The following ADAMTSL3 variants were observed in gnomAD, a reference collection of about 807,000 sequenced individuals.
ADAMTSL3 encodes the protein ADAMTS like 3.
Under a neutral mutation model 201.7 loss-of-function variants are expected in ADAMTSL3, and 128 were observed. The ratio of observed to expected loss-of-function variants is 0.63; its 90% CI spans 0.55 to 0.73. The LOEUF (loss-of-function observed/expected upper bound fraction) is 0.73. ADAMTSL3 is among the 30% of genes least tolerant of loss of function. The pLI is 0.00. For missense variants in ADAMTSL3, 1,990 were observed against 2,119.6 expected (o/e 0.94, Z 1.20); for synonymous variants, 738 against 748.4 (o/e 0.99, Z 0.23).
rs762116246 is a variant in ADAMTSL3, at chr15:83,983,238, A to G, written c.3610A>G (p.Ile1204Val). ...INSRIGNTVY[I>V]TKRTEVINIL... The stretch of plus-strand genomic sequence containing the variant: ...TTCCAGGATTGGAAATACAGTATAC[A>G]TTACAAAAAGGACAGAGGTCATCAA... The change falls in exon 21 of 30, where the codon ATT (isoleucine) becomes GTT (valine). Residue 1204 changes from isoleucine (I) to valine (V), a missense_variant. Transcript: ENST00000286744. The G allele has an allele frequency of 2.9e-5, 46 of 1,613,758 alleles. 1 individual carries two copies. In the East Asian group the frequency reaches 8.9e-4, roughly 31 times the overall value.
At chr15:83,670,136 T>G (rs1339711003) in intron 2 of ADAMTSL3, among the ~76,000 whole-genome samples, 1 of 151,420 alleles carries the variant, frequency 6.6e-6, no homozygotes, top group Non-Finnish European at 1.5e-5. Flanking sequence ...TGCACGCCTG[T>G]AGTCCCAGCT....
chr15:83,695,823 T>A (rs750652273), intron 2 of ADAMTSL3, among the ~76,000 whole-genome samples: 1 of 152,286 alleles, frequency 6.6e-6, no homozygotes, highest in Non-Finnish European at 1.5e-5. Flanking sequence ...AAAAGTCTCA[T>A]AATGACCGCA....
intron 9 of ADAMTSL3, among the ~76,000 whole-genome samples, chr15:83,878,961 C>G (rs1052326947): frequency 1.3e-5 from 2 of 151,982 alleles, no homozygotes; most frequent in African/African-American, 4.8e-5. Flanking sequence ...TTGAAAGATA[C>G]AGATTCTTTA....
intron 17 of ADAMTSL3, among the ~76,000 whole-genome samples, chr15:83,939,877 C>T (rs952049176): frequency 6.6e-6 from 1 of 152,158 alleles, no homozygotes; most frequent in Non-Finnish European, 1.5e-5. Context: ...CCACCTCAGC[C>T]TCCCAAAGTG....
intron 3 of ADAMTSL3, among the ~76,000 whole-genome samples, chr15:83,766,175 G>T (rs1359381121): frequency 6.6e-6 from 1 of 152,110 alleles, no homozygotes; most frequent in Non-Finnish European, 1.5e-5. Flanking sequence ...CTTCCCCTGG[G>T]CCCCTTGTGT....
intron 4 of ADAMTSL3, among the ~76,000 whole-genome samples, chr15:83,788,999 T>C (rs988275319): frequency 7.2e-5 from 11 of 152,108 alleles, no homozygotes; most frequent in South Asian, 2.1e-4. Context: ...TTAGTAGAGA[T>C]GGGGTTTCAC....
intron 4 of ADAMTSL3, among the ~76,000 whole-genome samples, chr15:83,790,291 A>G (rs1404230298): frequency 6.7e-6 from 1 of 148,884 alleles, no homozygotes; most frequent in Non-Finnish European, 1.5e-5. Flanking sequence ...GAAGAAAACA[A>G]CAAACCAATA....
At chr15:83,703,329 G>C (rs758694071) in intron 2 of ADAMTSL3, among the ~76,000 whole-genome samples, 8 of 152,112 alleles carry the variant, frequency 5.3e-5, no homozygotes, top group Non-Finnish European at 7.4e-5. Context: ...AGACTTTGGG[G>C]GACTGTTGGG....
intron 2 of ADAMTSL3, among the ~76,000 whole-genome samples, chr15:83,679,467 A>G (rs2061449147): frequency 6.6e-6 from 1 of 151,978 alleles, no homozygotes; most frequent in African/African-American, 2.4e-5. Flanking sequence ...ATTTAAATCT[A>G]TCTTCTATTT....
chr15:83,785,714 G>C (rs1302028436), intron 4 of ADAMTSL3, among the ~76,000 whole-genome samples: 1 of 151,134 alleles, frequency 6.6e-6, no homozygotes, highest in Non-Finnish European at 1.5e-5. Context: ...TTACCCATTT[G>C]TTTTGGCTTT....
At chr15:84,001,408 T>C (rs2067789763) in intron 23 of ADAMTSL3, among the ~76,000 whole-genome samples, 1 of 152,230 alleles carries the variant, frequency 6.6e-6, no homozygotes, top group Non-Finnish European at 1.5e-5. Flanking sequence ...GTGTATTGGC[T>C]TCAACAGCAT....
chr15:83,751,663 A>G (rs2062638930), intron 3 of ADAMTSL3, among the ~76,000 whole-genome samples: 1 of 152,236 alleles, frequency 6.6e-6, no homozygotes, highest in African/African-American at 2.4e-5. Context: ...AAAACTGTAT[A>G]TAGAAGCCTT....
At chr15:83,788,043 G>A (rs2063291943) in intron 4 of ADAMTSL3, among the ~76,000 whole-genome samples, 1 of 152,102 alleles carries the variant, frequency 6.6e-6, no homozygotes, top group Non-Finnish European at 1.5e-5. Context: ...GCTATGTCAT[G>A]TAATATACAG....
intron 3 of ADAMTSL3, among the ~76,000 whole-genome samples, chr15:83,747,862 T>C (rs903669518): frequency 6.6e-6 from 1 of 150,936 alleles, no homozygotes; most frequent in Admixed American, 6.6e-5. Context: ...AGAACATGGG[T>C]CATCCTAGAT....
chr15:83,932,896 A>G (rs1445967167), intron 17 of ADAMTSL3, among the ~76,000 whole-genome samples: 1 of 152,256 alleles, frequency 6.6e-6, no homozygotes, highest in Non-Finnish European at 1.5e-5. Context: ...AATTGGAATT[A>G]TCAGGTACAG....
chr15:84,006,999 T>C (rs1365312048), intron 23 of ADAMTSL3, among the ~76,000 whole-genome samples: 2 of 152,170 alleles, frequency 1.3e-5, no homozygotes, highest in African/African-American at 4.8e-5. Context: ...TGTGGGAGTT[T>C]TCAGCATAGG....
At chr15:83,853,902 CTATCTCTATCTATCTATCTA>C (rs899692297) in intron 7 of ADAMTSL3, among the ~76,000 whole-genome samples, 1 of 116,988 alleles carries the variant, frequency 8.5e-6, no homozygotes, top group African/African-American at 3.3e-5. Flanking sequence ...CCCTATCACT[CTATCTCTATCTATCTATCTA>C]TCTATCTATC....
At chr15:83,823,953 T>TCC (rs2063950574) in intron 6 of ADAMTSL3, among the ~76,000 whole-genome samples, 1 of 89,418 alleles carries the variant, frequency 1.1e-5, no homozygotes, top group African/African-American at 3.7e-5. Flanking sequence ...CTTCTTCTTC[T>TCC]TCTTCTTCTT....
At chr15:83,941,195 A>AAATAAATAAG (rs1446574302) in intron 17 of ADAMTSL3, among the ~76,000 whole-genome samples, 1 of 151,922 alleles carries the variant, frequency 6.6e-6, no homozygotes, top group Non-Finnish European at 1.5e-5. Context: ...TTTCCTTCAT[A>AAATAAATAAG]AATAAAACTT....
Sources: gnomAD v4.1 joint callset for allele counts (sites outside exome capture counted in the v4.1 genomes callset) on GRCh38, gnomAD v4.1.1 for gene constraint, MANE v1.5 for transcripts, NCBI Gene and HGNC (gene_info 2026-07-23, HGNC 2026-07-21) for gene names.